SLC24A3: variants seen among roughly 807,000 people sequenced by gnomAD.
SLC24A3 encodes solute carrier family 24 member 3.
A neutral mutation model predicts 75.8 loss-of-function variants in SLC24A3; 28 were observed. The ratio of observed to expected loss-of-function variants is 0.37; its 90% CI spans 0.27 to 0.51. The LOEUF (loss-of-function observed/expected upper bound fraction) is 0.51. Ranked by LOEUF, SLC24A3 falls within the 20% of genes least tolerant of loss-of-function variation. SLC24A3 has a pLI of 0.94. For synonymous variants in SLC24A3, 372 were observed against 334.1 expected, an observed-to-expected ratio of 1.11 and a Z score of -1.24; for missense variants, 663 against 847.8, an observed-to-expected ratio of 0.78 and a Z score of 2.71.
intron 3 of SLC24A3, among the ~76,000 whole-genome samples, chr20:19,516,659 T>G (rs1229331184): frequency 6.6e-6 from 1 of 152,226 alleles, no homozygotes; most frequent in Non-Finnish European, 1.5e-5. Flanking sequence ...GAAGAGCACC[T>G]ACAGTGACCT....
chr20:19,612,158 T>A (rs1055243125), intron 6 of SLC24A3, among the ~76,000 whole-genome samples: 4 of 152,318 alleles, frequency 2.6e-5, no homozygotes, highest in Non-Finnish European at 4.4e-5. Context: ...CCCCGCAACA[T>A]CAAATCTTCT....
intron 2 of SLC24A3, among the ~76,000 whole-genome samples, chr20:19,385,704 C>T (rs1986261298): frequency 6.6e-6 from 1 of 150,724 alleles, no homozygotes; most frequent in Admixed American, 6.6e-5. Flanking sequence ...TGCAGTGTTG[C>T]AGTCATAGCT....
intron 2 of SLC24A3, among the ~76,000 whole-genome samples, chr20:19,363,415 C>T (rs560922755): frequency 2.6e-5 from 4 of 152,330 alleles, no homozygotes; most frequent in Admixed American, 1.3e-4. Context: ...AAGACTTTCC[C>T]GTCTTCTTAA....
intron 6 of SLC24A3, among the ~76,000 whole-genome samples, chr20:19,631,098 C>T (rs1274505163): frequency 2.6e-5 from 4 of 152,090 alleles, no homozygotes; most frequent in Non-Finnish European, 1.5e-5. Context: ...AATTGTAGCA[C>T]TTTGGGAGGC....
chr20:19,592,075 G>A (rs909166918), intron 6 of SLC24A3, among the ~76,000 whole-genome samples: 3 of 152,198 alleles, frequency 2.0e-5, no homozygotes, highest in Non-Finnish European at 4.4e-5. Context: ...CCACCTACAT[G>A]TGGGATTCCA....
chr20:19,470,144 G>T (rs554510975), intron 2 of SLC24A3, among the ~76,000 whole-genome samples: 1 of 152,124 alleles, frequency 6.6e-6, no homozygotes, highest in Non-Finnish European at 1.5e-5. Context: ...CTTGTCAGCC[G>T]GTTAGAGATT....
intron 6 of SLC24A3, among the ~76,000 whole-genome samples, chr20:19,633,930 A>G (rs1447724064): frequency 6.6e-6 from 1 of 152,172 alleles, no homozygotes; most frequent in Non-Finnish European, 1.5e-5. Context: ...AATATTCAAT[A>G]AAATGCTGCT....
At chr20:19,391,438 G>A (rs567370579) in intron 2 of SLC24A3, among the ~76,000 whole-genome samples, 11 of 152,320 alleles carry the variant, frequency 7.2e-5, no homozygotes, top group East Asian at 1.9e-4. Context: ...GAAGCATCCT[G>A]TAGCTCAGTT....
At chr20:19,560,267 AC>A (rs1376367300) in intron 3 of SLC24A3, among the ~76,000 whole-genome samples, 1 of 152,202 alleles carries the variant, frequency 6.6e-6, no homozygotes, top group East Asian at 1.9e-4. Context: ...AACTATGTAG[AC>A]CACAACTCAA....
chr20:19,673,103 T>G (rs891118829), intron 8 of SLC24A3, among the ~76,000 whole-genome samples: 1 of 152,234 alleles, frequency 6.6e-6, no homozygotes, highest in Non-Finnish European at 1.5e-5. Context: ...TCCTTCTTAC[T>G]CTTCGACTGG....
At chr20:19,639,838 G>C (rs2032051780) in intron 6 of SLC24A3, among the ~76,000 whole-genome samples, 1 of 152,232 alleles carries the variant, frequency 6.6e-6, no homozygotes, top group Non-Finnish European at 1.5e-5. Flanking sequence ...GGCACTGCTG[G>C]GGGACCCATT....
intron 9 of SLC24A3, among the ~76,000 whole-genome samples, chr20:19,679,546 A>ACCGT (rs568217775): frequency 1.4e-4 from 18 of 128,702 alleles, no homozygotes; most frequent in South Asian, 2.6e-4. Context: ...GGAGGGGGAG[A>ACCGT]GGGAGAGGGA....
chr20:19,262,266 G>A (rs1002505722), intron 1 of SLC24A3, among the ~76,000 whole-genome samples: 40 of 151,712 alleles, frequency 2.6e-4, no homozygotes, highest in African/African-American at 9.4e-4. Context: ...TTAGCCGGGC[G>A]TGGTGGCGGG....
chr20:19,564,875 C>T (rs1376456290), intron 3 of SLC24A3, among the ~76,000 whole-genome samples: 6 of 152,252 alleles, frequency 3.9e-5, no homozygotes, highest in Admixed American at 2.6e-4. Flanking sequence ...TCTTCTCACT[C>T]TCAGCTCACT....
intron 2 of SLC24A3, among the ~76,000 whole-genome samples, chr20:19,372,450 G>T (rs745987040): frequency 4.7e-4 from 72 of 152,302 alleles, no homozygotes; most frequent in Admixed American, 4.1e-3. Flanking sequence ...GCTCTTGCAG[G>T]ACAAAGAGCA....
At chr20:19,289,417 CTTAGGGTTGTCCACCTGTA>C (rs1035766500) in intron 2 of SLC24A3, among the ~76,000 whole-genome samples, 2 of 152,232 alleles carry the variant, frequency 1.3e-5, no homozygotes, top group African/African-American at 4.8e-5. Flanking sequence ...AAAGCAGCCA[CTTAGGGTTGTCCACCTGTA>C]CTCATGGCTT....
intron 3 of SLC24A3, among the ~76,000 whole-genome samples, chr20:19,522,857 A>G (rs2030129195): frequency 6.6e-6 from 1 of 151,892 alleles, no homozygotes; most frequent in Non-Finnish European, 1.5e-5. Context: ...TTGTAATTAC[A>G]TTGTAGAATA....
chr20:19,336,420 G>A (rs893165090), intron 2 of SLC24A3, among the ~76,000 whole-genome samples: 2 of 150,134 alleles, frequency 1.3e-5, no homozygotes, highest in African/African-American at 2.5e-5. Flanking sequence ...TTTTTGAGAC[G>A]GAGTCTCACT....
At chr20:19,645,192 A>G (rs1165430817) in intron 6 of SLC24A3, among the ~76,000 whole-genome samples, 1 of 152,232 alleles carries the variant, frequency 6.6e-6, no homozygotes, top group South Asian at 2.1e-4. Context: ...AGATTTCAAT[A>G]AATCAGTTTC....
Sources: allele counts gnomAD v4.1 joint callset (sites outside exome capture counted in the v4.1 genomes callset), GRCh38; gene constraint gnomAD v4.1.1; transcripts MANE v1.5; gene names NCBI Gene and HGNC (gene_info 2026-07-23, HGNC 2026-07-21).